SLC17A4: variants seen among roughly 807,000 people sequenced by gnomAD.
SLC17A4 encodes probable small intestine urate exporter.
SLC17A4 carries 33 observed loss-of-function variants against 52.5 expected under a neutral mutation model. The ratio of observed to expected loss-of-function variants is 0.63; its 90% CI spans 0.48 to 0.84. The LOEUF (loss-of-function observed/expected upper bound fraction) is 0.84. SLC17A4 is among the 40% of genes least tolerant of loss of function. The pLI is 0.00. For synonymous variants in SLC17A4, 225 were observed against 216.2 expected (o/e 1.04, Z -0.36); for missense variants, 585 against 597.1 (o/e 0.98, Z 0.21).
chr6:25,773,538 C>T lies in SLC17A4; in HGVS notation c.851C>T (p.Pro284Leu). Residue 284 changes from proline (P) to leucine (L), a missense_variant, in exon 8 of 12, where the codon CCC (proline) becomes CTC (leucine). Coordinates refer to ENST00000377905, the MANE Select transcript of SLC17A4 (RefSeq NM_005495.3). ...GACTGTTCACCAGGCTGGTCTCTTC[C>T]CATTAGGGCTATGATCAAATCCTTA... Reference protein sequence around the residue: ...QQDCSPGWSLPIRAMIKSLPL... With the variant: ...QQDCSPGWSLLIRAMIKSLPL... The T allele has an allele frequency of 6.2e-7, 1 of 1,613,890 alleles. No individual in the cohort carries two copies. The highest frequency in any genetic ancestry group is 1.7e-5 in the Admixed American group (1 of 59,966).
chr6:25,769,305 C>A, intron 3 of SLC17A4, 115 bp downstream of exon 3: 2 of 992,330 alleles, frequency 2.0e-6, no homozygotes, highest in Non-Finnish European at 3.0e-6. Flanking sequence ...GTACTATGTG[C>A]CAGGAATGGC....
chr6:25,767,865 G>A (rs1582687702), intron 2 of SLC17A4, among the ~76,000 whole-genome samples: 1 of 151,972 alleles, frequency 6.6e-6, no homozygotes, highest in African/African-American at 2.4e-5. Flanking sequence ...TTTCTTTATT[G>A]AATCAAAACT....
At chr6:25,771,221 T>C (rs1762454993) in intron 6 of SLC17A4, among the ~76,000 whole-genome samples, 1 of 152,196 alleles carries the variant, frequency 6.6e-6, no homozygotes, top group Admixed American at 6.5e-5. Context: ...TAACATTCCT[T>C]ACTGCTTCTA....
chr6:25,772,234 T>C (rs572141284), intron 6 of SLC17A4, among the ~76,000 whole-genome samples: 1 of 152,158 alleles, frequency 6.6e-6, no homozygotes, highest in Non-Finnish European at 1.5e-5. Flanking sequence ...CAAGAAACAG[T>C]AAGGAGCATA....
rs1762649951 is a variant in SLC17A4, at chr6:25,773,530, G to A, written c.843G>A (p.Trp281Ter). 2 of 1,613,876 alleles carry A rather than the reference G, an allele frequency of 1.2e-6. No homozygotes were observed. The highest frequency in any genetic ancestry group is 1.7e-6 in the Non-Finnish European group (2 of 1,179,868). The part of the protein sequence containing the change: ...SLAQQDCSPG[W>*]SLPIRAMIKS... ...TCTTCCAGGACTGTTCACCAGGCTGGTCTCTTCCCATTAGGGCTATGATCA... is the reference window on the plus strand; with the variant it reads ...TCTTCCAGGACTGTTCACCAGGCTGATCTCTTCCCATTAGGGCTATGATCA... Residue 281 changes from tryptophan to a stop codon, truncating the protein, a stop_gained, in exon 8 of 12, where the codon TGG (tryptophan) becomes TGA (stop). Transcript: ENST00000377905. LOFTEE classifies it high-confidence loss of function.
In SLC17A4 at chr6:25,770,232, A is replaced by T; in HGVS notation, c.463A>T (p.Ile155Phe). 1 of 1,614,064 alleles carries T rather than the reference A, an allele frequency of 6.2e-7. No individual in the cohort carries two copies. The highest frequency in any genetic ancestry group is 8.5e-7 in the Non-Finnish European group (1 of 1,179,986). Reference protein sequence around the residue: ...LFISSFLTLFIPLAANAGVAL... With the variant: ...LFISSFLTLFFPLAANAGVAL... The stretch of plus-strand genomic sequence containing the variant: ...TATTTCCTCATTCCTGACCCTCTTC[A>T]TTCCACTGGCAGCTAATGCGGGAGT... The change falls in exon 4 of 12, where the codon ATT (isoleucine) becomes TTT (phenylalanine). Residue 155 changes from isoleucine (I) to phenylalanine (F), a missense_variant. Coordinates refer to ENST00000377905, the MANE Select transcript of SLC17A4 (RefSeq NM_005495.3).
At chr6:25,777,901 A>G (rs760246576) in intron 10 of SLC17A4, 25 bp from the exon 11 acceptor site, 1 of 1,578,902 alleles carries the variant, frequency 6.3e-7, no homozygotes, top group Non-Finnish European at 8.7e-7. Context: ...CTTGGTTATA[A>G]TAGAGTACCA....
In SLC17A4 at chr6:25,780,686, G is replaced by T. The variant is rs1433432975; in HGVS notation, c.*1498G>T. ...GTAGGAAGTGTCCTGGTTTTCAAAG[G>T]CACTCTGCATGAGAGATTAGGTTGG... On this transcript the variant is annotated 3_prime_UTR_variant, in exon 12 of 12. Transcript: ENST00000377905. The T allele has an allele frequency of 6.6e-6, 1 of 150,528 alleles. No individual in the cohort carries two copies. Among genetic ancestry groups the T allele is most frequent in the East Asian group, 1.9e-4 (1 of 5,192 alleles). The allele number at this position is 150,528 out of a possible 1,614,324, so 9.3% of individuals were successfully genotyped here.
intron 2 of SLC17A4, among the ~76,000 whole-genome samples, chr6:25,765,162 T>C (rs1317816): frequency 0.3 from 45,071 of 152,072 alleles, 7,669 homozygotes; most frequent in East Asian, 0.74. Context: ...AATATGTTTG[T>C]GCAAAGGAAA....
rs780708706 is a variant in SLC17A4, at chr6:25,779,068, T to G, written c.1374T>G (p.Gly458=). ...GFFISQDSEF[G]WRNVFLLSAA... ...TCTGCCTCCAGGATTCAGAGTTTGG[T>G]TGGAGAAATGTCTTCTTGCTTTCAG... is the stretch of plus-strand genomic sequence containing the variant. Residue 458 remains glycine (G), a synonymous_variant, in exon 12 of 12, where the codon GGT becomes GGG. Coordinates refer to ENST00000377905, the MANE Select transcript of SLC17A4 (RefSeq NM_005495.3). The G allele has an allele frequency of 1.9e-6, 3 of 1,613,636 alleles. No individual in the cohort carries two copies. In the East Asian group the frequency reaches 6.7e-5, roughly 36 times the overall value.
chr6:25,773,615 A>T lies in SLC17A4; in HGVS notation c.928A>T (p.Thr310Ser). The T allele has an allele frequency of 1.2e-6, 2 of 1,613,880 alleles. No homozygotes were observed. ...TTTCTGTGAATACTGGCTTTTTTATACCATTATGGCGTACACACCAACGTA... is the reference window on the plus strand; with the variant it reads ...TTTCTGTGAATACTGGCTTTTTTATTCCATTATGGCGTACACACCAACGTA... ...SYFCEYWLFYTIMAYTPTYIS... is the reference protein window; with the variant it reads ...SYFCEYWLFYSIMAYTPTYIS... The change falls in exon 8 of 12, where the codon ACC (threonine) becomes TCC (serine). Residue 310 changes from threonine to serine, a missense_variant. Coordinates refer to ENST00000377905, the MANE Select transcript of SLC17A4 (RefSeq NM_005495.3).
chr6:25,761,404 A>T (rs1420017802), intron 1 of SLC17A4, among the ~76,000 whole-genome samples: 1 of 152,086 alleles, frequency 6.6e-6, no homozygotes, highest in Non-Finnish European at 1.5e-5. Flanking sequence ...ACATCACTGA[A>T]ATTGATGCTT....
At chr6:25,759,555 T>C (rs2000351) in intron 1 of SLC17A4, among the ~76,000 whole-genome samples, 45,439 of 152,180 alleles carry the variant, frequency 0.3, 7,768 homozygotes, top group East Asian at 0.74. Flanking sequence ...TGTCTCTCTT[T>C]ATCTTTTTCA....
chr6:25,768,481 G>T, intron 2 of SLC17A4: 9 of 664,182 alleles, frequency 1.4e-5, no homozygotes, highest in Non-Finnish European at 1.7e-5. Flanking sequence ...ATACTTCTAT[G>T]ATCTAACCAT....
intron 1 of SLC17A4, among the ~76,000 whole-genome samples, chr6:25,757,083 A>G (rs1354638321): frequency 6.6e-6 from 1 of 152,174 alleles, no homozygotes; most frequent in Non-Finnish European, 1.5e-5. Flanking sequence ...ATTTCAATTC[A>G]ATTTTGAGTG....
At chr6:25,774,176 T>C (rs895400508) in intron 8 of SLC17A4, among the ~76,000 whole-genome samples, 1 of 152,214 alleles carries the variant, frequency 6.6e-6, no homozygotes, top group African/African-American at 2.4e-5. Flanking sequence ...ATGTTTGTTT[T>C]AAAAAATCAT....
intron 1 of SLC17A4, among the ~76,000 whole-genome samples, chr6:25,759,027 T>C (rs1416099757): frequency 1.3e-5 from 2 of 152,220 alleles, no homozygotes; most frequent in Non-Finnish European, 2.9e-5. Flanking sequence ...AAGAATTTTT[T>C]AATTTTCATC....
Position 25,762,049 on chromosome 6 carries a change from G to A in SLC17A4, c.87G>A (p.Arg29=), listed in dbSNP as rs775203922. 4.3e-6 allele frequency: 7 copies of A among 1,613,096 alleles called. No individual in the cohort carries two copies. Among genetic ancestry groups the A allele is most frequent in the Non-Finnish European group, 5.9e-6 (7 of 1,179,458 alleles). The change falls in exon 2 of 12, where the codon AGG becomes AGA. Residue 29 remains arginine, a synonymous_variant. Transcript: ENST00000377905. ...ACGTGGCTCAAGAGGAATGCTCCAGGAAAGGTAAAATCATGCACAGTAATC... is the reference window on the plus strand; with the variant it reads ...ACGTGGCTCAAGAGGAATGCTCCAGAAAAGGTAAAATCATGCACAGTAATC... ...NLNVAQEECS[R]KGFCSVRHGL... is the part of the protein sequence containing the mutation.
At chr6:25,762,192 A>T (rs2151423712) in intron 2 of SLC17A4, 139 bp downstream of exon 2, 2 of 670,442 alleles carry the variant, frequency 3.0e-6, no homozygotes, top group East Asian at 5.6e-5. Context: ...AATTGCCAAT[A>T]ATTCTATACG....
Sources: allele counts gnomAD v4.1 joint callset (sites outside exome capture counted in the v4.1 genomes callset), GRCh38; gene constraint gnomAD v4.1.1; transcripts MANE v1.5; gene names NCBI Gene and HGNC (gene_info 2026-07-23, HGNC 2026-07-21).